DDX46: variants seen among roughly 807,000 people sequenced by gnomAD.
The protein encoded by DDX46 is probable ATP-dependent RNA helicase DDX46.
A neutral mutation model predicts 134.9 loss-of-function variants in DDX46; 30 were observed. The ratio of observed to expected loss-of-function variants is 0.22; its 90% CI spans 0.17 to 0.30. The LOEUF (loss-of-function observed/expected upper bound fraction) is 0.30, where lower values mean the gene tolerates loss of function less well. Ranked by LOEUF, DDX46 falls within the 10% of genes least tolerant of loss-of-function variation. DDX46 has a pLI of 1.00. For missense variants in DDX46, 622 were observed against 1,248.7 expected (o/e 0.50, Z 7.56); for synonymous variants, 415 against 404.1 (o/e 1.03, Z -0.32).
chr5:134,773,626 G>C, intron 4 of DDX46, 70 bp from the exon 5 acceptor site: 6 of 1,473,000 alleles, frequency 4.1e-6, no homozygotes, highest in Non-Finnish European at 5.4e-6. Context: ...ATGTCACTTG[G>C]AGCAAAATTA....
At chr5:134,789,300 C>G (rs980475942) in intron 12 of DDX46, 3 of 152,160 alleles carry the variant, frequency 2.0e-5, no homozygotes, top group African/African-American at 7.2e-5. Context: ...CCTTGCAAAA[C>G]TAATTGGGGC....
chr5:134,784,152 T>G (rs1754261934), intron 9 of DDX46, among the ~76,000 whole-genome samples: 1 of 152,248 alleles, frequency 6.6e-6, no homozygotes, highest in Non-Finnish European at 1.5e-5. Flanking sequence ...ATATAGTCTT[T>G]ACTGCCTGAT....
intron 20 of DDX46, 149 bp from the exon 21 acceptor site, chr5:134,818,708 GAAA>G: frequency 1.5e-5 from 5 of 334,608 alleles, no homozygotes; most frequent in Non-Finnish European, 2.2e-5. Flanking sequence ...CGTCTCAAAA[GAAA>G]AAAAAAAAAG....
intron 15 of DDX46, among the ~76,000 whole-genome samples, chr5:134,806,100 C>G (rs908439535): frequency 6.6e-6 from 1 of 151,892 alleles, no homozygotes; most frequent in Admixed American, 6.6e-5. Flanking sequence ...GTAGTCCCAG[C>G]TAGTGGGGAG....
At chr5:134,815,454 A>T (rs1279701091) in intron 18 of DDX46, among the ~76,000 whole-genome samples, 1 of 152,014 alleles carries the variant, frequency 6.6e-6, no homozygotes, top group African/African-American at 2.4e-5. Flanking sequence ...CATGCCTGTA[A>T]TCCCAGTGCT....
chr5:134,764,135 G>T, intron 2 of DDX46, 43 bp downstream of exon 2: 10 of 1,559,782 alleles, frequency 6.4e-6, no homozygotes, highest in Non-Finnish European at 7.8e-6. Flanking sequence ...GATAAATTGG[G>T]CCTTCTCGGC....
At chr5:134,794,658 AT>A (rs1754598215) in intron 13 of DDX46, among the ~76,000 whole-genome samples, 191 bp from the exon 14 acceptor site, 1 of 152,192 alleles carries the variant, frequency 6.6e-6, no homozygotes, top group Non-Finnish European at 1.5e-5. Context: ...AGTGACAGAG[AT>A]TAATCAAAGA....
intron 6 of DDX46, chr5:134,780,599 T>G (rs1400179003): frequency 1.3e-5 from 2 of 148,640 alleles, no homozygotes; most frequent in Non-Finnish European, 3.0e-5. Flanking sequence ...AATAAATAAA[T>G]AAAGTATGTA....
chr5:134,782,623 G>A (rs1018485543), intron 8 of DDX46, among the ~76,000 whole-genome samples: 10 of 151,562 alleles, frequency 6.6e-5, no homozygotes, highest in Admixed American at 5.9e-4. Flanking sequence ...CACACCCCCC[G>A]TTCCCACCCC....
chr5:134,768,028 G>T (rs1415533840), intron 3 of DDX46, among the ~76,000 whole-genome samples: 1 of 151,594 alleles, frequency 6.6e-6, no homozygotes, highest in African/African-American at 2.4e-5. Context: ...ACAGATTAGT[G>T]AACCATGTAA....
At position 134,758,850 on chromosome 5, in the gene DDX46, C is replaced by G; in HGVS notation, c.-89C>G. 1 of 1,599,492 alleles carries G rather than the reference C, an allele frequency of 6.3e-7. No individual in the cohort carries two copies. The highest frequency in any genetic ancestry group is 1.1e-5 in the South Asian group (1 of 90,680). On this transcript the variant is annotated 5_prime_UTR_variant, in exon 1 of 23. Transcript: ENST00000452510. ...TGCTAGTGTTTAGCGCTGGTCTTTG[C>G]CGGGCGTTGAGGGCAGCTCAGCCTC...
intron 1 of DDX46, among the ~76,000 whole-genome samples, chr5:134,761,019 G>A (rs1229925578): frequency 2.0e-5 from 3 of 151,804 alleles, no homozygotes; most frequent in Non-Finnish European, 4.4e-5. Flanking sequence ...GTGAGCCACC[G>A]CACCCGGCCT....
At position 134,763,929 on chromosome 5, in the gene DDX46, C is replaced by T. The variant is rs183712927; in HGVS notation, c.43C>T (p.Arg15Trp). The change falls in exon 2 of 23, where the codon CGG becomes TGG. Residue 15 changes from arginine (R) to tryptophan (W), a missense_variant. By Grantham distance (101) the Arg-to-Trp change is moderately radical (BLOSUM62 -3). Coordinates refer to ENST00000452510, the MANE Select transcript of DDX46 (RefSeq NM_001300860.2). ...SRHYRKRSASRGRSGSRSRSR... is the reference protein window; with the variant it reads ...SRHYRKRSASWGRSGSRSRSR... Reference sequence around the variant, plus strand: ...CCACTATCGAAAACGATCGGCATCCCGGGGTCGCTCTGGAAGTCGGTCTAG... The same window carrying T: ...CCACTATCGAAAACGATCGGCATCCTGGGGTCGCTCTGGAAGTCGGTCTAG... 32 of 1,613,940 alleles carry T rather than the reference C, an allele frequency of 2.0e-5. No homozygotes were observed. The highest frequency in any genetic ancestry group is 1.8e-4 in the Admixed American group (11 of 59,976).
chr5:134,789,444 T>A (rs1444494862), intron 12 of DDX46, among the ~76,000 whole-genome samples: 1 of 152,172 alleles, frequency 6.6e-6, no homozygotes, highest in East Asian at 1.9e-4. Context: ...AAAAACTGAG[T>A]TAGTGCATGT....
chr5:134,782,625 TC>T (rs1447367285), intron 8 of DDX46, among the ~76,000 whole-genome samples: 1 of 151,940 alleles, frequency 6.6e-6, no homozygotes, highest in African/African-American at 2.4e-5. Flanking sequence ...CACCCCCCGT[TC>T]CCACCCCAGG....
At chr5:134,814,910 G>A (rs552390903) in intron 18 of DDX46, among the ~76,000 whole-genome samples, 39 of 152,286 alleles carry the variant, frequency 2.6e-4, no homozygotes, top group African/African-American at 5.3e-4. Flanking sequence ...GCCACTGTGC[G>A]TGGCCATAAC....
intron 19 of DDX46, 140 bp downstream of exon 19, chr5:134,816,746 T>G: frequency 1.2e-6 from 1 of 828,192 alleles, no homozygotes; most frequent in Non-Finnish European, 1.8e-6. Context: ...AATACAGAAT[T>G]TTTTGATAAT....
At chr5:134,769,323 C>G (rs1422815499) in intron 3 of DDX46, among the ~76,000 whole-genome samples, 9 of 133,894 alleles carry the variant, frequency 6.7e-5, no homozygotes, top group Non-Finnish European at 1.3e-4. Flanking sequence ...GTTATATTTT[C>G]AAGGTTTTTT....
At chr5:134,828,289 G>C (rs1435917635) in intron 22 of DDX46, among the ~76,000 whole-genome samples, 5 of 151,898 alleles carry the variant, frequency 3.3e-5, no homozygotes, top group Non-Finnish European at 7.4e-5. Context: ...ATGAAAAGTG[G>C]GTTCACAAAA....
Sources: allele counts gnomAD v4.1 joint callset (sites outside exome capture counted in the v4.1 genomes callset), GRCh38; gene constraint gnomAD v4.1.1; transcripts MANE v1.5; gene names NCBI Gene and HGNC (gene_info 2026-07-23, HGNC 2026-07-21).